The following FHOD3 variants were observed in gnomAD, a reference collection of about 807,000 sequenced individuals.
FHOD3 encodes the protein FH1/FH2 domain-containing protein 3.
FHOD3 carries 90 observed loss-of-function variants against 173.0 expected under a neutral mutation model. The observed-to-expected ratio is 0.52, with a 90% confidence interval of 0.44 to 0.62. FHOD3 has a LOEUF of 0.62. FHOD3 is among the 20% of genes least tolerant of loss of function. The probability of loss-of-function intolerance (pLI) is 0.00; values close to 1 mark genes in which losing one functional copy is unlikely to be tolerated. For missense variants in FHOD3, 1,945 were observed against 2,034.7 expected (o/e 0.96, Z 0.85); for synonymous variants, 828 against 823.0 (o/e 1.01, Z -0.10).
At chr18:36,405,087 C>A (rs776099928) in intron 3 of FHOD3, among the ~76,000 whole-genome samples, 1 of 152,166 alleles carries the variant, frequency 6.6e-6, no homozygotes, top group East Asian at 1.9e-4. Context: ...ATAGCTGGGG[C>A]CTTGCTCTGT....
intron 5 of FHOD3, among the ~76,000 whole-genome samples, chr18:36,520,334 C>A (rs1222322645): frequency 6.6e-6 from 1 of 152,130 alleles, no homozygotes; most frequent in Non-Finnish European, 1.5e-5. Context: ...TCAGTTGTAA[C>A]AGAAATACTT....
At chr18:36,572,734 G>GT (rs35705062) in intron 5 of FHOD3, among the ~76,000 whole-genome samples, 2 of 151,376 alleles carry the variant, frequency 1.3e-5, no homozygotes, top group Non-Finnish European at 3.0e-5. Context: ...AGCTCTTGGG[G>GT]GGAGGCCTTC....
At chr18:36,705,004 A>AG (rs11440091) in intron 17 of FHOD3, among the ~76,000 whole-genome samples, 148,856 of 152,170 alleles carry the variant, frequency 0.98, 72,772 homozygotes, top group East Asian at 1. Context: ...TCTCTCTCTA[A>AG]GGTTTGCTTC....
intron 18 of FHOD3, among the ~76,000 whole-genome samples, chr18:36,714,766 TG>T: frequency 1.3e-5 from 2 of 152,308 alleles, no homozygotes; most frequent in Middle Eastern, 6.8e-3. Context: ...CTCCTTTTGA[TG>T]GTGATTATTT....
chr18:36,588,362 T>C (rs2059108771), intron 6 of FHOD3, among the ~76,000 whole-genome samples: 1 of 152,232 alleles, frequency 6.6e-6, no homozygotes, highest in Non-Finnish European at 1.5e-5. Context: ...AATACTTGTA[T>C]ATTCTAAAGT....
At position 36,576,455 on chromosome 18, in the gene FHOD3, G is replaced by C. The variant is rs757562148; in HGVS notation, c.516G>C (p.Leu172Phe). ...TTTTTCTCTTGTTTTCTGTAGCTTT[G>C]GGCCAGATTATGTTGTATGTGGATG... ...QNYQNYILRA[L>F]GQIMLYVDGM... The change falls in exon 6 of 29, where the codon TTG (leucine) becomes TTC (phenylalanine). Residue 172 changes from leucine (L) to phenylalanine (F), a missense_variant. Transcript: ENST00000590592. 81 of 1,611,080 alleles carry C rather than the reference G, an allele frequency of 5.0e-5. No individual in the cohort carries two copies. The highest frequency in any genetic ancestry group is 6.6e-5 in the Non-Finnish European group (78 of 1,178,724).
chr18:36,325,369 G>A (rs796326706), intron 1 of FHOD3, among the ~76,000 whole-genome samples: 9 of 152,284 alleles, frequency 5.9e-5, no homozygotes, highest in African/African-American at 2.2e-4. Context: ...AGAATACCTT[G>A]GCTTTTGTAA....
chr18:36,642,237 A>C (rs1184114843), intron 10 of FHOD3, among the ~76,000 whole-genome samples: 2 of 152,164 alleles, frequency 1.3e-5, no homozygotes, highest in Non-Finnish European at 2.9e-5. Context: ...AACCCTTGTG[A>C]TGTTGTTTAC....
chr18:36,518,194 A>G (rs1478867761), intron 5 of FHOD3, among the ~76,000 whole-genome samples: 1 of 152,188 alleles, frequency 6.6e-6, no homozygotes. Flanking sequence ...AGCAAAGGGG[A>G]AGAATTTCTT....
intron 10 of FHOD3, among the ~76,000 whole-genome samples, chr18:36,648,108 T>A (rs2035812213): frequency 6.6e-6 from 1 of 152,154 alleles, no homozygotes. Context: ...AGCAAGAAGA[T>A]GCTGGGGGCA....
intron 5 of FHOD3, among the ~76,000 whole-genome samples, chr18:36,546,783 G>A (rs974531861): frequency 7.2e-5 from 11 of 152,348 alleles, no homozygotes; most frequent in African/African-American, 2.6e-4. Context: ...AGGGGACACA[G>A]CGTAGGCAGC....
rs1225522906 is a variant in FHOD3, at chr18:36,369,486, CACACACACACACAT to C, written c.273-3192_273-3179del. On this transcript the variant is annotated intron_variant, in intron 2 of 28. Transcript: ENST00000590592. ...ACACACACACACACACACACACACA[CACACACACACACAT>C]ATATATAGAGAGAGAGAGAGAGAGA... is the stretch of plus-strand genomic sequence containing the variant. Among the ~76,000 whole-genome samples the C allele has an allele frequency of 2.2e-3, 279 of 125,386 alleles. 3 individuals are homozygous for C. Among genetic ancestry groups the C allele is most frequent in the African/African-American group, 7.4e-3 (222 of 29,838 alleles). The allele number at this position is 125,386 out of a possible 152,430, so 82.3% of individuals were successfully genotyped here. A position where few individuals can be genotyped will look rare whatever the true frequency, so the allele number is the denominator to read the frequency against.
chr18:36,411,393 T>G lies in FHOD3; in HGVS notation c.337+38649T>G, dbSNP rs2049344447. ...GTAATTCCTCAAAGGGTATCATTTGTTACTATGTGATCCTGAATGAGGAAT... is the reference window on the plus strand; with the variant it reads ...GTAATTCCTCAAAGGGTATCATTTGGTACTATGTGATCCTGAATGAGGAAT... On this transcript the variant is annotated intron_variant, in intron 3 of 28. Coordinates refer to ENST00000590592, the MANE Select transcript of FHOD3 (RefSeq NM_001281740.3). Among the ~76,000 whole-genome samples, 3 of 152,366 alleles carry G rather than the reference T, an allele frequency of 2.0e-5. No homozygotes were observed. In the South Asian group the frequency reaches 6.2e-4, roughly 32 times the overall value.
intron 3 of FHOD3, among the ~76,000 whole-genome samples, chr18:36,494,102 T>C (rs1020101079): frequency 6.6e-6 from 1 of 152,098 alleles, no homozygotes; most frequent in Non-Finnish European, 1.5e-5. Flanking sequence ...ATTGGGCCCT[T>C]CTAATTAATG....
At chr18:36,771,296 T>G (rs2043368118) in intron 28 of FHOD3, among the ~76,000 whole-genome samples, 2 of 152,210 alleles carry the variant, frequency 1.3e-5, no homozygotes, top group Non-Finnish European at 2.9e-5. Context: ...GTGGAAACTC[T>G]TCTCCGAAGG....
At chr18:36,330,481 C>G (rs2044930563) in intron 1 of FHOD3, among the ~76,000 whole-genome samples, 2 of 152,170 alleles carry the variant, frequency 1.3e-5, no homozygotes, top group Non-Finnish European at 2.9e-5. Flanking sequence ...TTCCTTCCTA[C>G]AGTTAAGTTT....
chr18:36,706,232 G>A (rs1247075437), intron 17 of FHOD3, among the ~76,000 whole-genome samples: 1 of 152,136 alleles, frequency 6.6e-6, no homozygotes, highest in Admixed American at 6.5e-5. Flanking sequence ...CTAGAGAAGG[G>A]CTCTGCCGTG....
chr18:36,372,194 A>T (rs1421053515), intron 2 of FHOD3, among the ~76,000 whole-genome samples: 1 of 152,216 alleles, frequency 6.6e-6, no homozygotes, highest in Admixed American at 6.5e-5. Context: ...TTCCTGTAAA[A>T]GTACAAGAGA....
intron 9 of FHOD3, among the ~76,000 whole-genome samples, chr18:36,622,465 G>C (rs889335634): frequency 6.6e-6 from 1 of 152,222 alleles, no homozygotes; most frequent in African/African-American, 2.4e-5. Flanking sequence ...TTGGTTACAT[G>C]GGGATGTGTA....
Sources: gnomAD v4.1 joint callset for allele counts (sites outside exome capture counted in the v4.1 genomes callset) on GRCh38, gnomAD v4.1.1 for gene constraint, MANE v1.5 for transcripts, NCBI Gene and HGNC (gene_info 2026-07-23, HGNC 2026-07-21) for gene names.